CELF2: variants seen among roughly 807,000 people sequenced by gnomAD.
CELF2 encodes CUGBP Elav-like family member 2, also known as CUG triplet repeat RNA-binding protein 2.
Under a neutral mutation model 62.6 loss-of-function variants are expected in CELF2, and 8 were observed. That is an observed-to-expected ratio of 0.13 (90% CI 0.07 to 0.23). The LOEUF (loss-of-function observed/expected upper bound fraction) is 0.23, where lower values mean the gene tolerates loss of function less well. Among genes scored for constraint, CELF2 ranks in the 10% least tolerant of loss-of-function variants. CELF2 has a pLI of 1.00. For synonymous variants in CELF2, 258 were observed against 250.0 expected (o/e 1.03, Z -0.30); for missense variants, 333 against 671.0 (o/e 0.50, Z 5.56).
At chr10:10,862,337 A>G (rs1253782875) in intron 1 of CELF2, among the ~76,000 whole-genome samples, 3 of 152,176 alleles carry the variant, frequency 2.0e-5, no homozygotes, top group Non-Finnish European at 4.4e-5. Flanking sequence ...GCTGGACTGC[A>G]ATGATCTGAA....
At chr10:10,610,985 T>C in the CELF2 span, among the ~76,000 whole-genome samples, 2 of 152,180 alleles carry the variant, frequency 1.3e-5, no homozygotes, top group African/African-American at 4.8e-5. Flanking sequence ...TTCTGTCTTT[T>C]AGGATTGGAA....
chr10:11,210,603 C>T (rs922327440), intron 2 of CELF2, among the ~76,000 whole-genome samples: 2 of 152,230 alleles, frequency 1.3e-5, no homozygotes, highest in African/African-American at 4.8e-5. Context: ...AGAACTAGAA[C>T]TTTCCAGAAA....
chr10:11,093,580 A>G (rs972587680), intron 1 of CELF2, among the ~76,000 whole-genome samples: 1 of 152,222 alleles, frequency 6.6e-6, no homozygotes, highest in Non-Finnish European at 1.5e-5. Flanking sequence ...TGAGTGTCAT[A>G]GTGAAACTGT....
intron 1 of CELF2, among the ~76,000 whole-genome samples, chr10:10,820,983 G>A (rs1412433406): frequency 1.3e-5 from 2 of 152,200 alleles, no homozygotes; most frequent in African/African-American, 4.8e-5. Flanking sequence ...AGTTTGGGTT[G>A]TGACAAGAGC....
At chr10:11,096,524 TA>T (rs1349197990) in intron 1 of CELF2, 1 of 152,046 alleles carries the variant, frequency 6.6e-6, no homozygotes, top group African/African-American at 2.4e-5. Context: ...AAATGGAAAA[TA>T]AAAGCAGTTA....
intron 4 of CELF2, among the ~76,000 whole-genome samples, chr10:11,253,877 G>A (rs185473330): frequency 5.9e-4 from 90 of 152,202 alleles, no homozygotes; most frequent in Non-Finnish European, 1.1e-3. Context: ...TTCAGTGTCC[G>A]TCATGGAAAA....
At chr10:11,266,537 C>A in intron 5 of CELF2, 61 bp from the exon 6 acceptor site, 2 of 1,333,388 alleles carry the variant, frequency 1.5e-6, no homozygotes, top group Non-Finnish European at 2.2e-6. Flanking sequence ...TAACAAGCGT[C>A]CAACCCTTTT....
intron 2 of CELF2, among the ~76,000 whole-genome samples, chr10:10,973,663 C>T (rs1426149484): frequency 5.3e-5 from 8 of 152,306 alleles, no homozygotes; most frequent in Admixed American, 3.9e-4. Flanking sequence ...ACCTCCCAGG[C>T]TTAAGCCATC....
chr10:11,054,951 A>G (rs1415985290), intron 1 of CELF2, among the ~76,000 whole-genome samples: 1 of 152,132 alleles, frequency 6.6e-6, no homozygotes, highest in African/African-American at 2.4e-5. Context: ...CTGACCTCAG[A>G]TGATCCACCT....
intron 3 of CELF2, among the ~76,000 whole-genome samples, chr10:11,226,535 G>T (rs1193455395): frequency 6.6e-6 from 1 of 152,168 alleles, no homozygotes; most frequent in African/African-American, 2.4e-5. Flanking sequence ...GGCTGTGTCA[G>T]ATGGCATGGA....
At chr10:10,637,976 A>T in the CELF2 span, among the ~76,000 whole-genome samples, 2 of 152,286 alleles carry the variant, frequency 1.3e-5, no homozygotes, top group East Asian at 3.9e-4. Context: ...TTATATATGG[A>T]TATATATCTC....
intron 1 of CELF2, among the ~76,000 whole-genome samples, chr10:10,888,344 C>T (rs1282959157): frequency 1.3e-5 from 2 of 152,148 alleles, no homozygotes; most frequent in African/African-American, 4.8e-5. Flanking sequence ...CAGGCACAGG[C>T]ACCCCTGTAG....
chr10:10,615,810 A>C, the CELF2 span, among the ~76,000 whole-genome samples: 1 of 152,170 alleles, frequency 6.6e-6, no homozygotes. Flanking sequence ...AGCCAGGCAG[A>C]ACCATAAGCC....
chr10:11,203,069 G>A (rs1251592312), intron 2 of CELF2, among the ~76,000 whole-genome samples: 1 of 151,722 alleles, frequency 6.6e-6, no homozygotes, highest in African/African-American at 2.4e-5. Flanking sequence ...GAGCCTGCAG[G>A]GTGTTTCTTT....
intron 1 of CELF2, among the ~76,000 whole-genome samples, chr10:11,125,203 T>C (rs2058468628): frequency 6.6e-6 from 1 of 152,142 alleles, no homozygotes; most frequent in Admixed American, 6.6e-5. Flanking sequence ...TGAGTGCAGA[T>C]CATTAAACAG....
At chr10:10,514,753 T>C in the CELF2 span, among the ~76,000 whole-genome samples, 91 of 152,104 alleles carry the variant, frequency 6.0e-4, no homozygotes, top group Non-Finnish European at 1.0e-3. Flanking sequence ...ACAACAGAGG[T>C]GCTTTTAGGG....
intron 2 of CELF2, among the ~76,000 whole-genome samples, chr10:10,986,412 C>A (rs1027996963): frequency 6.6e-6 from 1 of 152,020 alleles, no homozygotes; most frequent in Non-Finnish European, 1.5e-5. Context: ...TCATTCTATT[C>A]TTTAATACTG....
intron 1 of CELF2, among the ~76,000 whole-genome samples, chr10:11,006,529 A>G (rs1028897537): frequency 4.6e-5 from 7 of 152,212 alleles, no homozygotes; most frequent in Non-Finnish European, 1.0e-4. Context: ...ACCTGCCTCT[A>G]TGGTATTTAA....
the CELF2 span, among the ~76,000 whole-genome samples, chr10:10,464,450 C>A: frequency 6.6e-6 from 1 of 151,988 alleles, no homozygotes; most frequent in Admixed American, 6.6e-5. Flanking sequence ...GAAAAAAATT[C>A]ATTTCTTTAT....
Sources: gnomAD v4.1 joint callset for allele counts (sites outside exome capture counted in the v4.1 genomes callset) on GRCh38, gnomAD v4.1.1 for gene constraint, MANE v1.5 for transcripts, NCBI Gene and HGNC (gene_info 2026-07-23, HGNC 2026-07-21) for gene names.